The following MTARC2 variants were observed in gnomAD, a reference collection of about 807,000 sequenced individuals.
The protein encoded by MTARC2 is MOCO sulphurase C-terminal domain containing 2.
MTARC2 carries 27 observed loss-of-function variants against 35.6 expected under a neutral mutation model. That is an observed-to-expected ratio of 0.76 (90% CI 0.56 to 1.04). The LOEUF (loss-of-function observed/expected upper bound fraction) is 1.04, where lower values mean the gene tolerates loss of function less well. MTARC2 is among the 50% of genes least tolerant of loss of function. MTARC2 has a pLI of 0.00. For synonymous variants in MTARC2, 158 were observed against 167.1 expected, an observed-to-expected ratio of 0.95 and a Z score of 0.42; for missense variants, 412 against 432.5, an observed-to-expected ratio of 0.95 and a Z score of 0.42.
At position 220,748,458 on chromosome 1, in the gene MTARC2, A is replaced by G. The variant is rs2102537002; in HGVS notation, c.-74A>G. 1 of 1,319,416 alleles carries G rather than the reference A, an allele frequency of 7.6e-7. No individual in the cohort carries two copies. Among genetic ancestry groups the G allele is most frequent in the East Asian group, 3.2e-5 (1 of 31,456 alleles). 81.7% of individuals were successfully genotyped at this position (1,319,416 alleles called of 1,614,324 possible). On this transcript the variant is annotated 5_prime_UTR_variant, in exon 1 of 8. Transcript: ENST00000366913. ...CTCCTCTCGCCTGCCCGGATCCTTA[A>G]GGGCCTCCTCGTCCTCCCGGTCTCC...
In MTARC2 at chr1:220,762,686, T is replaced by C. The variant is rs565296883; in HGVS notation, c.610-224T>C. On this transcript the variant is annotated intron_variant, in intron 3 of 7. Transcript: ENST00000366913. Reference sequence around the variant, plus strand: ...GGAAGAGGAAGCCTGGTGAGTGACATTGGCCCAGAGCCGGCCCTGGCTGCA... The same window carrying C: ...GGAAGAGGAAGCCTGGTGAGTGACACTGGCCCAGAGCCGGCCCTGGCTGCA... Among the ~76,000 whole-genome samples the C allele has an allele frequency of 2.7e-3, 416 of 152,302 alleles. 2 individuals carry two copies. Among genetic ancestry groups the C allele is most frequent in the African/African-American group, 9.8e-3 (406 of 41,576 alleles).
At chr1:220,780,371 G>T in intron 6 of MTARC2, 132 bp downstream of exon 6, 1 of 706,982 alleles carries the variant, frequency 1.4e-6, no homozygotes, top group East Asian at 2.9e-5. Flanking sequence ...TCTACCTTCT[G>T]ACTGATTCGC....
At chr1:220,780,741 G>A (rs988086704) in intron 6 of MTARC2, among the ~76,000 whole-genome samples, 11 of 152,082 alleles carry the variant, frequency 7.2e-5, no homozygotes, top group Admixed American at 2.6e-4. Flanking sequence ...ACCATACCCA[G>A]CTTTGATAAA....
rs1672149659 is a variant in MTARC2, at chr1:220,783,988, T to C, written c.*101T>C. ...GCAACGATACATCAGCAAATCCTTA[T>C]TATCCAGCCTTCAACTATCTTTACC... On this transcript the variant is annotated 3_prime_UTR_variant, in exon 8 of 8. Coordinates refer to ENST00000366913, the MANE Select transcript of MTARC2 (RefSeq NM_017898.5). 1.4e-6 allele frequency: 1 copy of C among 717,268 alleles called. No homozygotes were observed. Among genetic ancestry groups the C allele is most frequent in the Non-Finnish European group, 2.6e-6 (1 of 384,984 alleles). 44.4% of individuals were successfully genotyped at this position (717,268 alleles called of 1,614,324 possible).
chr1:220,754,957 G>A lies in MTARC2; in HGVS notation c.283G>A (p.Val95Met). Reference sequence around the variant, plus strand: ...TTTGTTTCTCTGCAGGTTTTGGCTGGTGATTAAGGAAGATGGACACATGGT... The same window carrying A: ...TTTGTTTCTCTGCAGGTTTTGGCTGATGATTAAGGAAGATGGACACATGGT... ...SGNLRDRFWL[V>M]IKEDGHMVTA... The change falls in exon 2 of 8, where the codon GTG becomes ATG. Residue 95 changes from valine (V) to methionine (M), a missense_variant. By Grantham distance (21) the Val-to-Met change is conservative. Transcript: ENST00000366913. 6.3e-7 allele frequency: 1 copy of A among 1,585,538 alleles called. No homozygotes were observed. Among genetic ancestry groups the A allele is most frequent in the Non-Finnish European group, 8.6e-7 (1 of 1,165,952 alleles).
At chr1:220,783,130 C>A (rs1672127193) in intron 7 of MTARC2, among the ~76,000 whole-genome samples, 1 of 152,158 alleles carries the variant, frequency 6.6e-6, no homozygotes, top group Non-Finnish European at 1.5e-5. Flanking sequence ...CATATTTCAT[C>A]CGTTCTGAGA....
At chr1:220,759,511 T>G (rs1671381876) in intron 2 of MTARC2, among the ~76,000 whole-genome samples, 1 of 150,558 alleles carries the variant, frequency 6.6e-6, no homozygotes, top group South Asian at 2.1e-4. Context: ...GGGGCTCCGG[T>G]TAATCAGTAT....
intron 6 of MTARC2, among the ~76,000 whole-genome samples, chr1:220,781,013 C>CTTTTTTTTTTTTTTTTT (rs1553255227): frequency 2.7e-5 from 4 of 149,366 alleles, no homozygotes; most frequent in African/African-American, 1.0e-4. Flanking sequence ...AAGGATTTCT[C>CTTTTTTTTTTTTTTTTT]TTTTGTTTTG....
At chr1:220,776,637 C>T (rs185498480) in intron 4 of MTARC2, among the ~76,000 whole-genome samples, 176 of 152,188 alleles carry the variant, frequency 1.2e-3, no homozygotes, top group Non-Finnish European at 2.0e-3. Context: ...ACGATTCTTA[C>T]GAATCCAGAC....
intron 4 of MTARC2, among the ~76,000 whole-genome samples, chr1:220,768,774 G>A (rs1671652251): frequency 6.6e-6 from 1 of 152,160 alleles, no homozygotes; most frequent in African/African-American, 2.4e-5. Flanking sequence ...ATCTCTGTTA[G>A]AAGCAAGCTG....
At position 220,748,344 on chromosome 1, in the gene MTARC2, C is replaced by T; in HGVS notation, c.-188C>T. The T allele has an allele frequency of 1.8e-6, 1 of 546,644 alleles. No homozygotes were observed. Among genetic ancestry groups the T allele is most frequent in the Non-Finnish European group, 2.8e-6 (1 of 360,202 alleles). 33.9% of individuals were successfully genotyped at this position (546,644 alleles called of 1,614,324 possible). A position where few individuals can be genotyped will look rare whatever the true frequency, so the allele number is the denominator to read the frequency against. ...CTCCATTACCGCGCAGGCTTGGTCA[C>T]CGCATTAAGGCATTCCCGCTCTCCG... On this transcript the variant is annotated 5_prime_UTR_variant, in exon 1 of 8. Coordinates refer to ENST00000366913, the MANE Select transcript of MTARC2 (RefSeq NM_017898.5).
intron 1 of MTARC2, among the ~76,000 whole-genome samples, chr1:220,753,206 T>C (rs550213107): frequency 5.5e-4 from 83 of 150,936 alleles, no homozygotes; most frequent in Admixed American, 4.2e-3. Flanking sequence ...CCAGCCTGGG[T>C]GACAGAGTGA....
At chr1:220,752,923 G>A (rs889208087) in intron 1 of MTARC2, among the ~76,000 whole-genome samples, 3 of 151,524 alleles carry the variant, frequency 2.0e-5, no homozygotes, top group Non-Finnish European at 4.4e-5. Flanking sequence ...TATACACTTA[G>A]GAAATGGTGG....
At chr1:220,781,089 T>C (rs1392678170) in intron 6 of MTARC2, among the ~76,000 whole-genome samples, 1 of 152,026 alleles carries the variant, frequency 6.6e-6, no homozygotes, top group East Asian at 1.9e-4. Context: ...TAACATTCTT[T>C]GGAGCTGTAT....
Position 220,754,990 on chromosome 1 carries a change from C to G in MTARC2, c.316C>G (p.Arg106Gly), listed in dbSNP as rs757850643. The G allele has an allele frequency of 9.3e-6, 15 of 1,609,842 alleles. No homozygotes were observed. The South Asian group carries it at 1.3e-4, about 14-fold the overall frequency. The change falls in exon 2 of 8, where the codon CGA becomes GGA. Residue 106 changes from arginine to glycine, a missense_variant. Arg to Gly is a moderately radical substitution (Grantham distance 125, BLOSUM62 -2). Coordinates refer to ENST00000366913, the MANE Select transcript of MTARC2 (RefSeq NM_017898.5). Reference sequence around the variant, plus strand: ...GGAAGATGGACACATGGTCACTGCCCGACAGGAGCCTCGCCTCGTGCTCAT... The same window carrying G: ...GGAAGATGGACACATGGTCACTGCCGGACAGGAGCCTCGCCTCGTGCTCAT... ...IKEDGHMVTA[R>G]QEPRLVLISI...
chr1:220,780,286 C>T, intron 6 of MTARC2, 47 bp downstream of exon 6: 1 of 1,529,786 alleles, frequency 6.5e-7, no homozygotes, highest in Non-Finnish European at 9.0e-7. Flanking sequence ...ATCTCCACCC[C>T]AGAACTACCT....
intron 1 of MTARC2, among the ~76,000 whole-genome samples, chr1:220,753,561 TCTC>T (rs1167101061): frequency 6.6e-6 from 1 of 152,084 alleles, no homozygotes; most frequent in Non-Finnish European, 1.5e-5. Flanking sequence ...CCTCCTGAGG[TCTC>T]CTCAGCCTTT....
intron 4 of MTARC2, among the ~76,000 whole-genome samples, chr1:220,775,223 A>G (rs1009757662): frequency 1.4e-4 from 20 of 141,412 alleles, no homozygotes; most frequent in Admixed American, 6.5e-4. Context: ...CTAATTTAGT[A>G]TTTACAAGAT....
intron 2 of MTARC2, among the ~76,000 whole-genome samples, chr1:220,761,174 A>G (rs1671425893): frequency 1.3e-5 from 2 of 152,196 alleles, no homozygotes; most frequent in Admixed American, 6.5e-5. Context: ...ATTATTTCCA[A>G]TTTACAACTG....
Sources: gnomAD v4.1 joint callset for allele counts (sites outside exome capture counted in the v4.1 genomes callset) on GRCh38, gnomAD v4.1.1 for gene constraint, MANE v1.5 for transcripts, NCBI Gene and HGNC (gene_info 2026-07-23, HGNC 2026-07-21) for gene names.